The following ASIC2 variants were observed in gnomAD, a reference collection of about 807,000 sequenced individuals.
The protein encoded by ASIC2 is acid-sensing ion channel 2.
ASIC2 carries 25 observed loss-of-function variants against 57.3 expected under a neutral mutation model. The observed-to-expected ratio is 0.44, with a 90% confidence interval of 0.32 to 0.61. The LOEUF (loss-of-function observed/expected upper bound fraction) is 0.61. Among genes scored for constraint, ASIC2 ranks in the 20% least tolerant of loss-of-function variants. The probability of loss-of-function intolerance (pLI) is 0.06; values close to 1 mark genes in which losing one functional copy is unlikely to be tolerated. For missense variants in ASIC2, 641 were observed against 738.1 expected, an observed-to-expected ratio of 0.87 and a Z score of 1.52; for synonymous variants, 319 against 307.5, an observed-to-expected ratio of 1.04 and a Z score of -0.39.
intron 1 of ASIC2, among the ~76,000 whole-genome samples, chr17:33,879,509 G>A (rs2262696): frequency 0.27 from 41,480 of 151,944 alleles, 5,871 homozygotes; most frequent in Middle Eastern, 0.36. Context: ...AGACAAAGAA[G>A]GCCATTACAT....
At chr17:33,719,699 G>A (rs545714654) in intron 1 of ASIC2, among the ~76,000 whole-genome samples, 5 of 152,334 alleles carry the variant, frequency 3.3e-5, no homozygotes, top group African/African-American at 1.2e-4. Flanking sequence ...AAGGCACTGA[G>A]TCTTGCCTTG....
At chr17:33,609,530 T>C (rs948733224) in intron 1 of ASIC2, among the ~76,000 whole-genome samples, 3 of 152,202 alleles carry the variant, frequency 2.0e-5, no homozygotes, top group Non-Finnish European at 4.4e-5. Context: ...GGTTAAATGC[T>C]GCCCCCAAGC....
chr17:33,186,017 A>G (rs930187342), intron 1 of ASIC2, among the ~76,000 whole-genome samples: 1 of 152,226 alleles, frequency 6.6e-6, no homozygotes, highest in African/African-American at 2.4e-5. Flanking sequence ...ATATCTTATT[A>G]GGTGAGTGCA....
At chr17:33,866,355 G>A (rs780714407) in intron 1 of ASIC2, among the ~76,000 whole-genome samples, 5 of 152,028 alleles carry the variant, frequency 3.3e-5, no homozygotes, top group Middle Eastern at 3.4e-3. Context: ...CAAATTCATC[G>A]TGTGCTGAAT....
intron 1 of ASIC2, among the ~76,000 whole-genome samples, chr17:34,116,306 A>C (rs1210316796): frequency 2.0e-5 from 3 of 152,160 alleles, no homozygotes; most frequent in Admixed American, 6.5e-5. Flanking sequence ...AATGGGAACA[A>C]TAATGTCTCC....
At chr17:33,487,542 T>C (rs1387653666) in intron 1 of ASIC2, among the ~76,000 whole-genome samples, 2 of 152,178 alleles carry the variant, frequency 1.3e-5, no homozygotes, top group Admixed American at 1.3e-4. Context: ...GCAGCTCCTA[T>C]AGGTTTGTTG....
intron 1 of ASIC2, among the ~76,000 whole-genome samples, chr17:33,428,368 A>G (rs940859027): frequency 1.3e-5 from 2 of 152,186 alleles, no homozygotes; most frequent in Non-Finnish European, 2.9e-5. Flanking sequence ...AGGATTGAGA[A>G]CCACTGCATT....
At chr17:34,019,214 A>AC (rs560356737) in intron 1 of ASIC2, among the ~76,000 whole-genome samples, 289 of 152,196 alleles carry the variant, frequency 1.9e-3, no homozygotes, top group African/African-American at 6.7e-3. Flanking sequence ...GCCAAAGTAG[A>AC]TTCTTGAGAC....
intron 1 of ASIC2, among the ~76,000 whole-genome samples, chr17:33,199,729 C>T (rs575008403): frequency 6.6e-6 from 1 of 152,308 alleles, no homozygotes; most frequent in African/African-American, 2.4e-5. Context: ...TCGATGGGCT[C>T]CTCTCTCTTG....
chr17:33,396,748 T>C (rs1282490860), intron 1 of ASIC2, among the ~76,000 whole-genome samples: 1 of 152,190 alleles, frequency 6.6e-6, no homozygotes, highest in African/African-American at 2.4e-5. Flanking sequence ...TAACAGTCTT[T>C]CATATAATCC....
At chr17:33,572,118 T>C (rs746317666) in intron 1 of ASIC2, 4 of 152,214 alleles carry the variant, frequency 2.6e-5, no homozygotes, top group African/African-American at 7.2e-5. Context: ...ATGGGTGGGA[T>C]TGCTGTGCAT....
intron 1 of ASIC2, among the ~76,000 whole-genome samples, chr17:34,109,141 T>C (rs1296026410): frequency 6.6e-6 from 1 of 152,106 alleles, no homozygotes; most frequent in Non-Finnish European, 1.5e-5. Flanking sequence ...GTGGATTTCT[T>C]GTGAGCAACA....
At chr17:33,351,106 T>C (rs1908157034) in intron 1 of ASIC2, among the ~76,000 whole-genome samples, 1 of 152,206 alleles carries the variant, frequency 6.6e-6, no homozygotes, top group Non-Finnish European at 1.5e-5. Context: ...ATCAAATATG[T>C]GACTTGACAA....
chr17:33,926,371 T>C (rs1217434783), intron 1 of ASIC2, among the ~76,000 whole-genome samples: 3 of 152,192 alleles, frequency 2.0e-5, no homozygotes, highest in Non-Finnish European at 4.4e-5. Context: ...GATTTTTGAA[T>C]ACATATTTGC....
At chr17:33,516,136 A>C (rs1914559353) in intron 1 of ASIC2, among the ~76,000 whole-genome samples, 1 of 151,918 alleles carries the variant, frequency 6.6e-6, no homozygotes, top group Non-Finnish European at 1.5e-5. Flanking sequence ...AAAACAAAAC[A>C]AAACAAAACA....
chr17:33,437,311 G>T (rs1360790411), intron 1 of ASIC2, among the ~76,000 whole-genome samples: 7 of 152,104 alleles, frequency 4.6e-5, no homozygotes, highest in Admixed American at 4.6e-4. Flanking sequence ...TTTTAAATGG[G>T]CAAGACTAAA....
At chr17:34,107,238 A>G (rs1911094736) in intron 1 of ASIC2, among the ~76,000 whole-genome samples, 1 of 152,126 alleles carries the variant, frequency 6.6e-6, no homozygotes, top group South Asian at 2.1e-4. Context: ...ACAGTGGCTC[A>G]CAGCTGTAAT....
intron 1 of ASIC2, among the ~76,000 whole-genome samples, chr17:33,288,715 G>GAC (rs56013728): frequency 0.16 from 22,882 of 143,252 alleles, 1,796 homozygotes; most frequent in Middle Eastern, 0.22. Flanking sequence ...AGCTCTCTCT[G>GAC]ACACACACAC....
chr17:33,404,421 G>A (rs1026241292), intron 1 of ASIC2, among the ~76,000 whole-genome samples: 10 of 152,244 alleles, frequency 6.6e-5, no homozygotes, highest in African/African-American at 2.4e-4. Context: ...CCAGGGCTCA[G>A]ACAACACTTT....
Sources: gnomAD v4.1 joint callset for allele counts (sites outside exome capture counted in the v4.1 genomes callset) on GRCh38, gnomAD v4.1.1 for gene constraint, MANE v1.5 for transcripts, NCBI Gene and HGNC (gene_info 2026-07-23, HGNC 2026-07-21) for gene names.